Variants in KSR2 observed in about 807,000 individuals in gnomAD.
KSR2 encodes kinase suppressor of ras 2.
Under a neutral mutation model 107.8 loss-of-function variants are expected in KSR2, and 25 were observed. The ratio of observed to expected loss-of-function variants is 0.23; its 90% CI spans 0.17 to 0.32. The LOEUF (loss-of-function observed/expected upper bound fraction) is 0.32, where lower values mean the gene tolerates loss of function less well. KSR2 is among the 10% of genes least tolerant of loss of function. The pLI, the probability that KSR2 is intolerant of heterozygous loss-of-function variation, is 1.00. For synonymous variants in KSR2, 480 were observed against 507.0 expected (o/e 0.95, Z 0.71); for missense variants, 887 against 1,268.9 (o/e 0.70, Z 4.57).
rs1319980439 is a variant in KSR2 at position 117,453,186 on chromosome 12, A to G, written c.*14013T>C. 6.6e-6 allele frequency: 1 copy of G among 152,464 alleles called. No individual in the cohort carries two copies. Among genetic ancestry groups the G allele is most frequent in the Non-Finnish European group, 1.5e-5 (1 of 68,042 alleles). 9.4% of individuals were successfully genotyped at this position (152,464 alleles called of 1,614,324 possible). The stretch of plus-strand genomic sequence containing the variant: ...CTGTCCAACAGCCCAAGTTAGAAAT[A>G]CTTTTTTTAGAAGTGTAGAAAACTT... On this transcript the variant is annotated 3_prime_UTR_variant, in exon 20 of 20. Coordinates refer to ENST00000339824, the MANE Select transcript of KSR2 (RefSeq NM_173598.6).
At chr12:117,648,306 TGGA>T (rs57664402) in intron 5 of KSR2, among the ~76,000 whole-genome samples, 27,698 of 151,972 alleles carry the variant, frequency 0.18, 2,668 homozygotes, top group Middle Eastern at 0.24. Flanking sequence ...TCTTTAGAAG[TGGA>T]GGAGGAGGTG....
chr12:117,476,414 C>T (rs1191647523), intron 17 of KSR2, 50 bp downstream of exon 17: 2 of 1,511,074 alleles, frequency 1.3e-6, no homozygotes, highest in Non-Finnish European at 1.8e-6. Context: ...TTGAGAAGTG[C>T]CCCTCTGCCC....
At chr12:117,467,372 A>T (rs1168767006) in intron 19 of KSR2, among the ~76,000 whole-genome samples, 167 bp from the exon 20 acceptor site, 1 of 152,240 alleles carries the variant, frequency 6.6e-6, no homozygotes. Flanking sequence ...TTCTTACTAT[A>T]TGCTGGGCTC....
chr12:117,517,893 G>A, intron 14 of KSR2: 1 of 455,742 alleles, frequency 2.2e-6, no homozygotes, highest in South Asian at 1.6e-5. Flanking sequence ...AAGTACAGGA[G>A]TTACAGAAAA....
chr12:117,538,949 G>C (rs1876254036), intron 10 of KSR2, among the ~76,000 whole-genome samples: 1 of 152,036 alleles, frequency 6.6e-6, no homozygotes, highest in South Asian at 2.1e-4. Flanking sequence ...GGAAGAGATG[G>C]GGAGATTCTT....
chr12:117,640,237 T>C (rs1393244104), intron 5 of KSR2, among the ~76,000 whole-genome samples: 1 of 112,668 alleles, frequency 8.9e-6, no homozygotes, highest in Non-Finnish European at 2.3e-5. Context: ...AAGCTCTTTT[T>C]TTTTCTTTTT....
At chr12:117,741,942 A>C (rs930079293) in intron 4 of KSR2, among the ~76,000 whole-genome samples, 5 of 152,204 alleles carry the variant, frequency 3.3e-5, no homozygotes, top group African/African-American at 1.2e-4. Flanking sequence ...ATACTTATGA[A>C]TTTCAACTGG....
intron 3 of KSR2, among the ~76,000 whole-genome samples, chr12:117,789,356 G>A: frequency 6.6e-6 from 1 of 152,194 alleles, no homozygotes; most frequent in South Asian, 2.1e-4. Flanking sequence ...GCTGCATGGA[G>A]CCAGCCTTGC....
chr12:117,522,547 C>T (rs552099863), intron 14 of KSR2, among the ~76,000 whole-genome samples: 124 of 152,248 alleles, frequency 8.1e-4, no homozygotes, highest in African/African-American at 2.6e-3. Flanking sequence ...TGTAGTAAAT[C>T]GCAAAAATAG....
intron 1 of KSR2, among the ~76,000 whole-genome samples, chr12:117,889,046 T>C (rs1422805488): frequency 6.6e-6 from 1 of 152,190 alleles, no homozygotes; most frequent in Non-Finnish European, 1.5e-5. Flanking sequence ...GTGTCTGTCT[T>C]ACAGGTATGG....
chr12:117,602,687 T>G (rs202143663), intron 5 of KSR2, among the ~76,000 whole-genome samples: 1 of 152,254 alleles, frequency 6.6e-6, no homozygotes, highest in East Asian at 1.9e-4. Context: ...ACCTTTTTGC[T>G]ATTATGAATA....
At chr12:117,912,138 C>CT (rs1325797371) in intron 1 of KSR2, among the ~76,000 whole-genome samples, 4 of 152,210 alleles carry the variant, frequency 2.6e-5, no homozygotes, top group Non-Finnish European at 5.9e-5. Flanking sequence ...CTCTCAACCT[C>CT]TAAGAGGTGT....
At chr12:117,719,056 T>C (rs1887108285) in intron 4 of KSR2, among the ~76,000 whole-genome samples, 1 of 152,244 alleles carries the variant, frequency 6.6e-6, no homozygotes, top group Non-Finnish European at 1.5e-5. Flanking sequence ...TATGCAAAGC[T>C]ATGGCCTGTG....
intron 7 of KSR2, among the ~76,000 whole-genome samples, chr12:117,558,781 G>GCATGGGTGGGTGGGTGGATGC (rs1168198853): frequency 2.3e-5 from 3 of 130,542 alleles, no homozygotes; most frequent in African/African-American, 8.6e-5. Context: ...TAAATTGGTA[G>GCATGGGTGGGTGGGTGGATGC]ATGGATTGAT....
chr12:117,643,484 A>G (rs560394420), intron 5 of KSR2, among the ~76,000 whole-genome samples: 20 of 152,162 alleles, frequency 1.3e-4, no homozygotes, highest in Non-Finnish European at 1.9e-4. Context: ...CAAAATAGCC[A>G]TTTATCATTA....
intron 5 of KSR2, among the ~76,000 whole-genome samples, chr12:117,595,875 G>A (rs1008301973): frequency 6.6e-6 from 1 of 152,204 alleles, no homozygotes; most frequent in Non-Finnish European, 1.5e-5. Flanking sequence ...AGCAGGCTGA[G>A]TCCCTTCCAG....
chr12:117,782,787 T>C (rs986507365), intron 3 of KSR2, among the ~76,000 whole-genome samples: 6 of 152,050 alleles, frequency 3.9e-5, no homozygotes, highest in Non-Finnish European at 4.4e-5. Context: ...TATTTCTCGA[T>C]AAGGGAGAAG....
intron 3 of KSR2, among the ~76,000 whole-genome samples, chr12:117,846,385 C>T (rs1180991157): frequency 6.6e-6 from 1 of 151,720 alleles, no homozygotes. Context: ...CCTTGACCTC[C>T]CAGGCTCAGG....
At chr12:117,556,057 G>A (rs1436245365) in intron 8 of KSR2, among the ~76,000 whole-genome samples, 1 of 152,128 alleles carries the variant, frequency 6.6e-6, no homozygotes, top group African/African-American at 2.4e-5. Flanking sequence ...TCATTTCTCT[G>A]CTTAGCCTGA....
Sources: allele counts gnomAD v4.1 joint callset (sites outside exome capture counted in the v4.1 genomes callset), GRCh38; gene constraint gnomAD v4.1.1; transcripts MANE v1.5; gene names NCBI Gene and HGNC (gene_info 2026-07-23, HGNC 2026-07-21).